Variants in TKT observed in about 807,000 individuals in gnomAD.
TKT encodes transketolase.
Under a neutral mutation model 63.9 loss-of-function variants are expected in TKT, and 47 were observed. That is an observed-to-expected ratio of 0.74 (90% CI 0.58 to 0.94). TKT has a LOEUF of 0.94. TKT is among the 40% of genes least tolerant of loss of function. The pLI is 0.00. For missense variants in TKT, 721 were observed against 846.2 expected, an observed-to-expected ratio of 0.85 and a Z score of 1.84; for synonymous variants, 338 against 334.1, an observed-to-expected ratio of 1.01 and a Z score of -0.13.
At position 53,255,999 on chromosome 3, in the gene TKT, C is replaced by G. The variant is rs913535418; in HGVS notation, c.-57G>C. 1 of 1,275,432 alleles carries G rather than the reference C, an allele frequency of 7.8e-7. No individual in the cohort carries two copies. The highest frequency in any genetic ancestry group is 2.9e-5 in the Admixed American group (1 of 34,726). The allele number at this position is 1,275,432 out of a possible 1,614,324, so 79.0% of individuals were successfully genotyped here. ...GGACACACAGAGATAGCGGCTGCTC[C>G]CGCGGCGACAGGCGGCTGCCGAGGC... On this transcript the variant is annotated 5_prime_UTR_variant, in exon 1 of 14. Transcript: ENST00000462138.
chr3:53,248,687 TA>T (rs1705620892), intron 1 of TKT, among the ~76,000 whole-genome samples: 1 of 151,438 alleles, frequency 6.6e-6, no homozygotes, highest in African/African-American at 2.4e-5. Context: ...GATGACCCTC[TA>T]AAAATTATGC....
At chr3:53,228,026 T>A (rs1553675944) in intron 12 of TKT, 30 bp downstream of exon 12, 1 of 1,603,116 alleles carries the variant, frequency 6.2e-7, no homozygotes, top group African/African-American at 1.3e-5. Context: ...GGCCGCTCAG[T>A]TGATGACTTT....
intron 1 of TKT, 79 bp from the exon 2 acceptor site, chr3:53,242,321 CTGGG>C: frequency 1.4e-6 from 2 of 1,400,240 alleles, no homozygotes; most frequent in Non-Finnish European, 2.0e-6. Context: ...GTACAGGGAC[CTGGG>C]GGTGCATGTC....
At chr3:53,232,868 G>A (rs933907310) in intron 6 of TKT, 14 of 423,012 alleles carry the variant, frequency 3.3e-5, no homozygotes, top group East Asian at 2.2e-4. Flanking sequence ...GGTGGGGCAC[G>A]GGGGCTGCCT....
At chr3:53,250,471 C>A (rs1449186924) in intron 1 of TKT, among the ~76,000 whole-genome samples, 1 of 152,224 alleles carries the variant, frequency 6.6e-6, no homozygotes, top group Non-Finnish European at 1.5e-5. Flanking sequence ...TTGAAACCAC[C>A]TATCCATGAA....
chr3:53,226,672 G>A, intron 13 of TKT, 84 bp downstream of exon 13: 6 of 1,595,318 alleles, frequency 3.8e-6, no homozygotes, highest in Non-Finnish European at 5.1e-6. Context: ...CTGCCCTCCT[G>A]GGGCTCAGAT....
intron 1 of TKT, among the ~76,000 whole-genome samples, chr3:53,254,171 A>C (rs1266655844): frequency 2.6e-5 from 4 of 152,194 alleles, no homozygotes; most frequent in Admixed American, 6.5e-5. Flanking sequence ...AATACTACTT[A>C]GTTGGGTAAT....
In TKT at chr3:53,242,179, G is replaced by A. The variant is rs1449132136; in HGVS notation, c.171C>T (p.Arg57=). The part of the protein sequence containing the change: ...IMAVLFFHTM[R]YKSQDPRNPH... ...GATTCCGGGGGTCCTGGGACTTGTA[G>A]CGCATGGTGTGGAAAAAGAGGACAG... The change falls in exon 2 of 14, where the codon CGC becomes CGT. Residue 57 remains arginine, a synonymous_variant. Transcript: ENST00000462138. The A allele has an allele frequency of 6.2e-7, 1 of 1,614,020 alleles. No individual in the cohort carries two copies. The highest frequency in any genetic ancestry group is 8.5e-7 in the Non-Finnish European group (1 of 1,180,036).
intron 9 of TKT, 58 bp from the exon 10 acceptor site, chr3:53,229,195 C>T: frequency 2.5e-6 from 4 of 1,613,222 alleles, no homozygotes; most frequent in Non-Finnish European, 2.5e-6. Context: ...CATCCATGGG[C>T]TGGAATCCTG....
In TKT at chr3:53,256,008, C is replaced by A; in HGVS notation, c.-66G>T. ...GAGATAGCGGCTGCTCCCGCGGCGA[C>A]AGGCGGCTGCCGAGGCCGGGCGCGG... is the stretch of plus-strand genomic sequence containing the variant. On this transcript the variant is annotated 5_prime_UTR_variant, in exon 1 of 14. Transcript: ENST00000462138. 2.6e-6 allele frequency: 3 copies of A among 1,139,772 alleles called. No homozygotes were observed. The highest frequency in any genetic ancestry group is 3.5e-6 in the Non-Finnish European group (3 of 863,358). 70.6% of individuals were successfully genotyped at this position (1,139,772 alleles called of 1,614,324 possible).
In TKT at chr3:53,226,794, T is replaced by C; in HGVS notation, c.1658A>G (p.Lys553Arg). The change falls in exon 13 of 14, where the codon AAG becomes AGG. Residue 553 changes from lysine to arginine, a missense_variant. By Grantham distance (26) the Lys-to-Arg change is conservative. Transcript: ENST00000462138. The stretch of plus-strand genomic sequence containing the variant: ...GTCCTCCACGGTGAGGATCCTGCCC[T>C]TGGTGGCACGAGCGCTGTCGAGAAT... ...KLILDSARAT[K>R]GRILTVEDHY... 6.2e-7 allele frequency: 1 copy of C among 1,614,138 alleles called. No individual in the cohort carries two copies. Among genetic ancestry groups the C allele is most frequent in the Non-Finnish European group, 8.5e-7 (1 of 1,180,000 alleles).
chr3:53,251,914 C>A (rs941258147), intron 1 of TKT, among the ~76,000 whole-genome samples: 1 of 152,132 alleles, frequency 6.6e-6, no homozygotes. Context: ...CCGAGGCGGG[C>A]GGATCACCTG....
chr3:53,253,515 A>C (rs1705848115), intron 1 of TKT, among the ~76,000 whole-genome samples: 1 of 152,216 alleles, frequency 6.6e-6, no homozygotes, highest in Admixed American at 6.5e-5. Flanking sequence ...TCACACTCGT[A>C]ATCCCAGCAC....
At position 53,231,511 on chromosome 3, in the gene TKT, G is replaced by A. The variant is rs183821009; in HGVS notation, c.788C>T (p.Pro263Leu). 2.4e-5 allele frequency: 39 copies of A among 1,614,122 alleles called. No homozygotes were observed. In the Admixed American group the frequency reaches 6.5e-4, roughly 27 times the overall value. Residue 263 changes from proline to leucine, a missense_variant, in exon 7 of 14, where the codon CCC (proline) becomes CTC (leucine). Pro to Leu is a moderately conservative substitution (Grantham distance 98, BLOSUM62 -3). Coordinates refer to ENST00000462138, the MANE Select transcript of TKT (RefSeq NM_001064.4). ...DKESWHGKPL[P>L]KNMAEQIIQE... ...GATGATCTGCTCAGCCATGTTTTTG[G>A]GGAGGGGCTTCCCATGCCAAGACTC...
Position 53,230,491 on chromosome 3 carries a change from C to T in TKT, c.1073G>A (p.Arg358His), listed in dbSNP as rs782448187. The T allele has an allele frequency of 9.3e-6, 15 of 1,614,196 alleles. No individual in the cohort carries two copies. The highest frequency in any genetic ancestry group is 5.0e-5 in the Admixed American group (3 of 60,032). The change falls in exon 8 of 14, where the codon CGC (arginine) becomes CAC (histidine). Residue 358 changes from arginine (R) to histidine (H), a missense_variant. Physicochemically the swap from Arg to His is conservative, Grantham distance 29 (BLOSUM62 0). Coordinates refer to ENST00000462138, the MANE Select transcript of TKT (RefSeq NM_001064.4). ...CTCAGCAATGTAGCACTCGATGAAGCGGTCCGGGTGCTCCTTTTTGAAGAT... is the reference window on the plus strand; with the variant it reads ...CTCAGCAATGTAGCACTCGATGAAGTGGTCCGGGTGCTCCTTTTTGAAGAT... ...SEIFKKEHPDRFIECYIAEQN... is the reference protein window; with the variant it reads ...SEIFKKEHPDHFIECYIAEQN...
chr3:53,231,439 G>A lies in TKT; in HGVS notation c.860C>T (p.Thr287Ile), dbSNP rs782350738. 6.2e-7 allele frequency: 1 copy of A among 1,614,184 alleles called. No homozygotes were observed. The highest frequency in any genetic ancestry group is 1.1e-5 in the South Asian group (1 of 91,088). Residue 287 changes from threonine to isoleucine, a missense_variant, in exon 7 of 14, where the codon ACC becomes ATC. Coordinates refer to ENST00000462138, the MANE Select transcript of TKT (RefSeq NM_001064.4). ...QIQSKKKILA[T>I]PPQEDAPSVD... ...TGAGGGTGCGTCCTCCTGTGGAGGG[G>A]TTGCCAGGATCTTCTTTTTGCTCTG...
rs782045102 is a variant in TKT at position 53,231,340 on chromosome 3, C to T, written c.942+17G>A. Reference sequence around the variant, plus strand: ...CCTGAGAACTATGGGTTCAGAGAAACAGGCCCCACTTTGTACCTTGTCCCC... The same window carrying T: ...CCTGAGAACTATGGGTTCAGAGAAATAGGCCCCACTTTGTACCTTGTCCCC... On this transcript the variant is annotated intron_variant, in intron 7 of 13. Transcript: ENST00000462138. 9.9e-6 allele frequency: 16 copies of T among 1,611,436 alleles called. No individual in the cohort carries two copies. The highest frequency in any genetic ancestry group is 2.7e-5 in the African/African-American group (2 of 74,990).
Position 53,251,578 on chromosome 3 carries a change from C to T in TKT, c.107+4258G>A, listed in dbSNP as rs183826882. Reference sequence around the variant, plus strand: ...TGGGCCTGGTGAGGTTCACTGCACACGGGTCAGCAATGGCATAGGAATGGG... The same window carrying T: ...TGGGCCTGGTGAGGTTCACTGCACATGGGTCAGCAATGGCATAGGAATGGG... On this transcript the variant is annotated intron_variant, in intron 1 of 13. Transcript: ENST00000462138. Among the ~76,000 whole-genome samples the T allele has an allele frequency of 1.3e-3, 193 of 152,328 alleles. 2 individuals carry two copies. Among genetic ancestry groups the T allele is most frequent in the African/African-American group, 4.0e-3 (166 of 41,568 alleles).
chr3:53,250,918 AC>A (rs1705716949), intron 1 of TKT, among the ~76,000 whole-genome samples: 1 of 152,090 alleles, frequency 6.6e-6, no homozygotes, highest in Non-Finnish European at 1.5e-5. Flanking sequence ...AGTAGCTGGG[AC>A]TACAGGCACA....
Sources: gnomAD v4.1 joint callset for allele counts (sites outside exome capture counted in the v4.1 genomes callset) on GRCh38, gnomAD v4.1.1 for gene constraint, MANE v1.5 for transcripts, NCBI Gene and HGNC (gene_info 2026-07-23, HGNC 2026-07-21) for gene names.